Variants in SLCO3A1 observed in about 807,000 individuals in gnomAD.
The protein encoded by SLCO3A1 is solute carrier organic anion transporter family member 3A1.
SLCO3A1 carries 27 observed loss-of-function variants against 63.1 expected under a neutral mutation model. The ratio of observed to expected loss-of-function variants is 0.43; its 90% confidence interval spans 0.32 to 0.59. The LOEUF is 0.59. Ranked by LOEUF, SLCO3A1 falls within the 20% of genes least tolerant of loss-of-function variation. The pLI is 0.09. For missense variants in SLCO3A1, 773 were observed against 945.8 expected (o/e 0.82, Z 2.40); for synonymous variants, 473 against 409.9 (o/e 1.15, Z -1.86).
In SLCO3A1 at chr15:92,164,459, C is replaced by A; in HGVS notation, c.*1324C>A. The A allele has an allele frequency of 2.0e-6, 2 of 985,420 alleles. No homozygotes were observed. Among genetic ancestry groups the A allele is most frequent in the Non-Finnish European group, 2.4e-6 (2 of 829,946 alleles). The allele number at this position is 985,420 out of a possible 1,614,324, so 61.0% of individuals were successfully genotyped here. On this transcript the variant is annotated 3_prime_UTR_variant, in exon 10 of 10. Transcript: ENST00000318445. ...ATTCAGTGATCACTGTCACGGGAAA[C>A]CCTTTTATATTCATGCTTGACATTC...
intron 10 of SLCO3A1, chr15:92,171,326 A>AG (rs2048520092): frequency 6.5e-6 from 1 of 154,190 alleles, no homozygotes; most frequent in African/African-American, 2.4e-5. Flanking sequence ...ACACAAAAAA[A>AG]CAAACTGTCC....
rs1206346974 is a variant in SLCO3A1 at position 92,090,536 on chromosome 15, G to A, written c.647-4345G>A. Among the ~76,000 whole-genome samples, 6 of 152,294 alleles carry A rather than the reference G, an allele frequency of 3.9e-5. No individual in the cohort carries two copies. In the East Asian group the frequency reaches 5.8e-4, roughly 15 times the overall value. On this transcript the variant is annotated intron_variant, in intron 2 of 9. Transcript: ENST00000318445. The stretch of plus-strand genomic sequence containing the variant: ...CGGGCTGGCAACCCAGTGTGCCAAT[G>A]TGCTTGGCTTGGCAAGCAGCAGATC...
intron 2 of SLCO3A1, among the ~76,000 whole-genome samples, chr15:91,917,200 C>T (rs1008718328): frequency 5.3e-5 from 8 of 152,120 alleles, no homozygotes; most frequent in Non-Finnish European, 1.2e-4. Context: ...ATCTCTATCC[C>T]TTGTTTACAA....
chr15:91,959,736 A>AAT lies in SLCO3A1; in HGVS notation c.646+43279_646+43280insTA, dbSNP rs1253818675. 6.0e-3 allele frequency among the ~76,000 whole-genome samples: 903 copies of AAT among 151,520 alleles called. 17 individuals are homozygous for AAT. The highest frequency in any genetic ancestry group is 0.021 in the African/African-American group (854 of 41,256). ...GAGACTCCATCTCAAAAAAAAAAAA[A>AAT]AAAAAAAGAAAAGTATAAAAAATAT... On this transcript the variant is annotated intron_variant, in intron 2 of 9. Transcript: ENST00000318445.
chr15:92,166,915 T>C (rs1046154959), downstream of SLCO3A1, among the ~76,000 whole-genome samples: 85 of 152,316 alleles, frequency 5.6e-4, no homozygotes, highest in African/African-American at 2.0e-3. Context: ...GCCAGACCTG[T>C]GCAGTCTGCT....
chr15:92,102,996 T>C (rs1427553007), intron 3 of SLCO3A1, among the ~76,000 whole-genome samples: 1 of 152,148 alleles, frequency 6.6e-6, no homozygotes, highest in Non-Finnish European at 1.5e-5. Context: ...ATGGGGAAGG[T>C]TGGCTGGAAC....
chr15:92,143,430 AAT>A (rs1555436619), intron 7 of SLCO3A1, among the ~76,000 whole-genome samples: 1 of 2,038 alleles, frequency 4.9e-4, no homozygotes, highest in Non-Finnish European at 8.4e-4. Context: ...ATATATATAT[AAT>A]ATATATAATA....
In SLCO3A1 at chr15:91,967,420, C is replaced by T. The variant is rs1023954718; in HGVS notation, c.646+50962C>T. ...CCTGCTTGAAGCTTTATATGGTGAT[C>T]TGTGGTAGAATGTCCCTCCTCTGGT... On this transcript the variant is annotated intron_variant, in intron 2 of 9. Transcript: ENST00000318445. This position sits in a 1 kb window ranked among gnomAD's most constrained non-coding sequence, Gnocchi z 4.4. Among the ~76,000 whole-genome samples the T allele has an allele frequency of 2.6e-5, 4 of 152,130 alleles. No individual in the cohort carries two copies. The highest frequency in any genetic ancestry group is 4.4e-5 in the Non-Finnish European group (3 of 68,034).
At chr15:91,879,467 A>T (rs1253810547) in intron 1 of SLCO3A1, among the ~76,000 whole-genome samples, 1 of 152,182 alleles carries the variant, frequency 6.6e-6, no homozygotes, top group African/African-American at 2.4e-5. Context: ...ACTTGGGAGA[A>T]ATGATGAGTA....
chr15:91,940,668 G>C (rs749643512), intron 2 of SLCO3A1, among the ~76,000 whole-genome samples: 2 of 152,138 alleles, frequency 1.3e-5, no homozygotes, highest in African/African-American at 4.8e-5. Context: ...CATGTGAGTC[G>C]ACTGTTTCCT....
chr15:92,100,331 G>A (rs773759846), intron 3 of SLCO3A1, among the ~76,000 whole-genome samples: 10 of 152,144 alleles, frequency 6.6e-5, no homozygotes, highest in Non-Finnish European at 1.2e-4. Flanking sequence ...GCTTGATGAG[G>A]GAGTTGAGCC....
chr15:92,116,417 C>T (rs1229079860), intron 4 of SLCO3A1, among the ~76,000 whole-genome samples: 2 of 152,206 alleles, frequency 1.3e-5, no homozygotes, highest in Non-Finnish European at 2.9e-5. Context: ...GTGACAGTAC[C>T]AAGCTCCTAA....
chr15:91,866,013 A>G (rs573921413), intron 1 of SLCO3A1, among the ~76,000 whole-genome samples: 146 of 152,286 alleles, frequency 9.6e-4, no homozygotes, highest in Middle Eastern at 3.4e-3. Flanking sequence ...TATCATTTCA[A>G]TCTTCACAGA....
At chr15:92,012,359 A>G (rs911767389) in intron 2 of SLCO3A1, among the ~76,000 whole-genome samples, 4 of 152,132 alleles carry the variant, frequency 2.6e-5, no homozygotes, top group African/African-American at 7.2e-5. Context: ...GAGCAAATTG[A>G]AAGTGAAGGT....
At chr15:92,172,088 T>G in exon 11 of SLCO3A1, 1 of 489,838 alleles carries the variant, frequency 2.0e-6, no homozygotes. Flanking sequence ...GTAGGCATCT[T>G]TCCTGGGTCT....
chr15:91,877,010 A>G (rs1213592424), intron 1 of SLCO3A1, among the ~76,000 whole-genome samples: 4 of 152,276 alleles, frequency 2.6e-5, no homozygotes, highest in Non-Finnish European at 2.9e-5. Context: ...AGAAACCTCA[A>G]TACCATAAGT....
intron 1 of SLCO3A1, among the ~76,000 whole-genome samples, chr15:91,868,999 A>G (rs190742535): frequency 8.5e-5 from 13 of 152,338 alleles, no homozygotes; most frequent in African/African-American, 3.1e-4. Context: ...ATGTTTTTAA[A>G]AATTCAAAAT....
rs1177067964 is a variant in SLCO3A1, at chr15:92,085,979, T to C, written c.647-8902T>C. ...TATAGATGATCTGTTTTCTTTGCTG[T>C]AGAGTAACTCCAGAGTACGGGAGAT... On this transcript the variant is annotated intron_variant, in intron 2 of 9. Coordinates refer to ENST00000318445, the MANE Select transcript of SLCO3A1 (RefSeq NM_013272.4). Among the ~76,000 whole-genome samples the C allele has an allele frequency of 5.3e-5, 8 of 152,326 alleles. No individual in the cohort carries two copies. In the South Asian group the frequency reaches 1.7e-3, roughly 32 times the overall value.
At chr15:91,926,596 T>TGTGCGCGTGC in intron 2 of SLCO3A1, among the ~76,000 whole-genome samples, 1 of 105,256 alleles carries the variant, frequency 9.5e-6, no homozygotes, top group Non-Finnish European at 2.1e-5. Context: ...TGTGTGTGTG[T>TGTGCGCGTGC]GCGCGCGCGC....
Sources: gnomAD v4.1 joint callset for allele counts (sites outside exome capture counted in the v4.1 genomes callset) on GRCh38, gnomAD v4.1.1 for gene constraint, Gnocchi (gnomAD v3.1) non-coding constraint, MANE v1.5 for transcripts, NCBI Gene and HGNC (gene_info 2026-07-23, HGNC 2026-07-21) for gene names.